Variants in LRFN3 observed in about 807,000 individuals in gnomAD.
The protein encoded by LRFN3 is leucine-rich repeat and fibronectin type-III domain-containing protein 3.
In LRFN3, 8 loss-of-function variants were observed where a neutral mutation model predicts 23.8. The observed-to-expected ratio is 0.34, with a 90% CI of 0.20 to 0.61. The LOEUF is 0.61. LRFN3 is among the 20% of genes least tolerant of loss of function. LRFN3 has a pLI of 0.80. For synonymous variants in LRFN3, 451 were observed against 450.6 expected, an observed-to-expected ratio of 1.00 and a Z score of -0.01; for missense variants, 736 against 935.3, an observed-to-expected ratio of 0.79 and a Z score of 2.78.
In LRFN3 at chr19:35,940,522, G is replaced by A; in HGVS notation, c.1097G>A (p.Cys366Tyr). Reference sequence around the variant, plus strand: ...CCGGGTGATGGTGGCATCTTCACCTGCATTGCGGCCAATGCAGCTGGCGAG... The same window carrying A: ...CCGGGTGATGGTGGCATCTTCACCTACATTGCGGCCAATGCAGCTGGCGAG... The part of the protein sequence containing the change: ...TEPGDGGIFT[C>Y]IAANAAGEAT... The change falls in exon 2 of 3, where the codon TGC becomes TAC. Residue 366 changes from cysteine (C) to tyrosine (Y), a missense_variant. Physicochemically the swap from Cys to Tyr is radical, Grantham distance 194. Transcript: ENST00000246529. 1 of 1,612,364 alleles carries A rather than the reference G, an allele frequency of 6.2e-7. No homozygotes were observed.
rs759126768 is a variant in LRFN3 at position 35,940,236 on chromosome 19, G to A, written c.811G>A (p.Ala271Thr). 1 of 1,607,036 alleles carries A rather than the reference G, an allele frequency of 6.2e-7. No individual in the cohort carries two copies. Among genetic ancestry groups the A allele is most frequent in the Non-Finnish European group, 8.5e-7 (1 of 1,179,344 alleles). Residue 271 changes from alanine to threonine, a missense_variant, in exon 2 of 3, where the codon GCC becomes ACC. Physicochemically the swap from Ala to Thr is moderately conservative, Grantham distance 58. Coordinates refer to ENST00000246529, the MANE Select transcript of LRFN3 (RefSeq NM_024509.2). ...RRLAREDDLEACASPPALGGR... is the reference protein window; with the variant it reads ...RRLAREDDLETCASPPALGGR... ...CCTGGCGCGGGAGGACGACCTCGAGGCCTGCGCGTCCCCACCTGCTCTGGG... is the reference window on the plus strand; with the variant it reads ...CCTGGCGCGGGAGGACGACCTCGAGACCTGCGCGTCCCCACCTGCTCTGGG...
rs1278078816 is a variant in LRFN3 at position 35,945,028 on chromosome 19, C to A, written c.*9C>A. The stretch of plus-strand genomic sequence containing the variant: ...AACCTGTGGGACCCTAGCCAGGCGC[C>A]CCCCCCTCTAAGGGTCCTCTGGCCC... On this transcript the variant is annotated 3_prime_UTR_variant, in exon 3 of 3. Coordinates refer to ENST00000246529, the MANE Select transcript of LRFN3 (RefSeq NM_024509.2). 28 of 1,338,138 alleles carry A rather than the reference C, an allele frequency of 2.1e-5. No homozygotes were observed. Among genetic ancestry groups the A allele is most frequent in the African/African-American group, 1.3e-4 (6 of 45,538 alleles). 82.9% of individuals were successfully genotyped at this position (1,338,138 alleles called of 1,614,324 possible).
At position 35,940,078 on chromosome 19, in the gene LRFN3, C is replaced by T; in HGVS notation, c.653C>T (p.Thr218Ile). 1 of 1,612,334 alleles carries T rather than the reference C, an allele frequency of 6.2e-7. No individual in the cohort carries two copies. The highest frequency in any genetic ancestry group is 8.5e-7 in the Non-Finnish European group (1 of 1,179,716). Residue 218 changes from threonine to isoleucine, a missense_variant, in exon 2 of 3, where the codon ACA becomes ATA. Transcript: ENST00000246529. ...RLDMTSNRLT[T>I]IPPDPLFSRL... is the part of the protein sequence containing the mutation. ...GACATGACCTCCAACCGCCTGACCA[C>T]AATCCCACCCGACCCACTCTTCTCC...
In LRFN3 at chr19:35,940,683, G is replaced by A; in HGVS notation, c.1258G>A (p.Val420Met). The A allele has an allele frequency of 6.2e-7, 1 of 1,613,274 alleles. No homozygotes were observed. Among genetic ancestry groups the A allele is most frequent in the Non-Finnish European group, 8.5e-7 (1 of 1,179,760 alleles). ...CTCCGCTGCCTCTGCTTCTGCCAAGGTGGCCGACACTGGGCCCCCTACCGA... is the reference window on the plus strand; with the variant it reads ...CTCCGCTGCCTCTGCTTCTGCCAAGATGGCCGACACTGGGCCCCCTACCGA... ...PPSAASASAK[V>M]ADTGPPTDRG... Residue 420 changes from valine (V) to methionine (M), a missense_variant, in exon 2 of 3, where the codon GTG becomes ATG. Transcript: ENST00000246529.
At position 35,945,351 on chromosome 19, in the gene LRFN3, G is replaced by A. The variant is rs956627145; in HGVS notation, c.*332G>A. 11 of 247,750 alleles carry A rather than the reference G, an allele frequency of 4.4e-5. No individual in the cohort carries two copies. Among genetic ancestry groups the A allele is most frequent in the Admixed American group, 1.1e-4 (2 of 17,692 alleles). The allele number at this position is 247,750 out of a possible 1,614,324, so 15.3% of individuals were successfully genotyped here. A position where few individuals can be genotyped will look rare whatever the true frequency, so the allele number is the denominator to read the frequency against. On this transcript the variant is annotated 3_prime_UTR_variant, in exon 3 of 3. Coordinates refer to ENST00000246529, the MANE Select transcript of LRFN3 (RefSeq NM_024509.2). ...ATGGCGATCCATTCAGACAATAGATGTTCCCTGCGTGTCGGCTCTGAGCAT... is the reference window on the plus strand; with the variant it reads ...ATGGCGATCCATTCAGACAATAGATATTCCCTGCGTGTCGGCTCTGAGCAT...
rs1455350413 is a variant in LRFN3, at chr19:35,939,976, C to T, written c.551C>T (p.Thr184Met). ...CTGGGCCGCCTGGGCAACGTCAACA[C>T]GTTGGGCCTCGACCACAACCTGCTG... ...EALGRLGNVNTLGLDHNLLAS... is the reference protein window; with the variant it reads ...EALGRLGNVNMLGLDHNLLAS... The change falls in exon 2 of 3, where the codon ACG becomes ATG. Residue 184 changes from threonine (T) to methionine (M), a missense_variant. Physicochemically the swap from Thr to Met is moderately conservative, Grantham distance 81. This residue lies in a region of LRFN3 where 446 missense variants were observed against 647.9 expected (regional missense o/e 0.69). Transcript: ENST00000246529. The surrounding 1 kb of genome is among the most constrained non-coding windows in gnomAD (Gnocchi z 6.4). 3 of 1,610,708 alleles carry T rather than the reference C, an allele frequency of 1.9e-6. No individual in the cohort carries two copies. The highest frequency in any genetic ancestry group is 1.1e-5 in the South Asian group (1 of 91,082).
Position 35,944,459 on chromosome 19 carries a change from A to G in LRFN3, c.1416-89A>G. 4 of 805,592 alleles carry G rather than the reference A, an allele frequency of 5.0e-6. No homozygotes were observed. Among genetic ancestry groups the G allele is most frequent in the Non-Finnish European group, 7.2e-6 (4 of 556,476 alleles). The allele number at this position is 805,592 out of a possible 1,614,324, so 49.9% of individuals were successfully genotyped here. ...TGAAATGAAGGAGTGGACTGGTGGG[A>G]AGTCTAGCCCCGCAGGGAGTTTGGT... On this transcript the variant is annotated intron_variant, in intron 2 of 2. Coordinates refer to ENST00000246529, the MANE Select transcript of LRFN3 (RefSeq NM_024509.2). The surrounding 1 kb of genome is among the most constrained non-coding windows in gnomAD (Gnocchi z 4.5).
In LRFN3 at chr19:35,939,872, C is replaced by T. The variant is rs147853211; in HGVS notation, c.447C>T (p.Gly149=). The T allele has an allele frequency of 5.4e-5, 87 of 1,601,046 alleles. 2 individuals carry two copies. The Middle Eastern group carries it at 1.6e-3, about 30-fold the overall frequency. Residue 149 remains glycine (G), a synonymous_variant, in exon 2 of 3, where the codon GGC becomes GGT. Coordinates refer to ENST00000246529, the MANE Select transcript of LRFN3 (RefSeq NM_024509.2). This position sits in a 1 kb window ranked among gnomAD's most constrained non-coding sequence, Gnocchi z 6.4. ...SNNQLAALAA[G]ALDDCAETLE... Reference sequence around the variant, plus strand: ...ACCAGCTGGCAGCGCTGGCGGCCGGCGCCCTGGATGATTGTGCCGAGACAC... The same window carrying T: ...ACCAGCTGGCAGCGCTGGCGGCCGGTGCCCTGGATGATTGTGCCGAGACAC...
intron 1 of LRFN3, among the ~76,000 whole-genome samples, chr19:35,938,170 C>T (rs1299940304): frequency 1.3e-5 from 2 of 152,182 alleles, no homozygotes; most frequent in African/African-American, 4.8e-5. Flanking sequence ...CTCTAGCTTC[C>T]TCTGGCCACC....
rs150362087 is a variant in LRFN3 at position 35,939,909 on chromosome 19, G to A, written c.484G>A (p.Asp162Asn). ...DDCAETLEDL[D>N]LSYNNLEQLP... ...TTGTGCCGAGACACTGGAGGACCTC[G>A]ACCTCTCCTACAACAACCTCGAGCA... is the stretch of plus-strand genomic sequence containing the variant. The change falls in exon 2 of 3, where the codon GAC becomes AAC. Residue 162 changes from aspartate (D) to asparagine (N), a missense_variant. Transcript: ENST00000246529. The surrounding 1 kb of genome is among the most constrained non-coding windows in gnomAD (Gnocchi z 6.4). 3 of 1,603,020 alleles carry A rather than the reference G, an allele frequency of 1.9e-6. No homozygotes were observed. The African/African-American group carries it at 4.0e-5, about 21-fold the overall frequency.
chr19:35,944,903 G>A lies in LRFN3; in HGVS notation c.1771G>A (p.Gly591Ser). The change falls in exon 3 of 3, where the codon GGC (glycine) becomes AGC (serine). Residue 591 changes from glycine (G) to serine (S), a missense_variant. By Grantham distance (56) the Gly-to-Ser change is moderately conservative. Around this residue, in one of 2 missense-constraint regions of LRFN3, gnomAD observed 290 missense variants for 287.4 expected, o/e 1.01. Coordinates refer to ENST00000246529, the MANE Select transcript of LRFN3 (RefSeq NM_024509.2). This position sits in a 1 kb window ranked among gnomAD's most constrained non-coding sequence, Gnocchi z 4.5. Reference protein sequence around the residue: ...SVCSQTNGALGPTPTPAPPAP... With the variant: ...SVCSQTNGALSPTPTPAPPAP... ...TTGCTCCCAGACCAACGGCGCCCTG[G>A]GCCCCACGCCCACGCCCGCCCCGCC... is the stretch of plus-strand genomic sequence containing the variant. 4 of 1,587,282 alleles carry A rather than the reference G, an allele frequency of 2.5e-6. No individual in the cohort carries two copies. Among genetic ancestry groups the A allele is most frequent in the East Asian group, 2.3e-5 (1 of 44,404 alleles).
Position 35,939,270 on chromosome 19 carries a change from T to C in LRFN3, c.-16-140T>C, listed in dbSNP as rs952395969. 1 of 896,654 alleles carries C rather than the reference T, an allele frequency of 1.1e-6. No individual in the cohort carries two copies. Among genetic ancestry groups the C allele is most frequent in the African/African-American group, 1.7e-5 (1 of 59,140 alleles). 55.5% of individuals were successfully genotyped at this position (896,654 alleles called of 1,614,324 possible). A position where few individuals can be genotyped will look rare whatever the true frequency, so the allele number is the denominator to read the frequency against. Reference sequence around the variant, plus strand: ...TGTGAGCCACCGCGCCTGGCCTTCCTCTGGCTTTTGGTCACATCTGACGGT... The same window carrying C: ...TGTGAGCCACCGCGCCTGGCCTTCCCCTGGCTTTTGGTCACATCTGACGGT... On this transcript the variant is annotated intron_variant, in intron 1 of 2. Transcript: ENST00000246529. This position sits in a 1 kb window ranked among gnomAD's most constrained non-coding sequence, Gnocchi z 6.4.
At chr19:35,938,481 T>C (rs1234928704) in intron 1 of LRFN3, among the ~76,000 whole-genome samples, 3 of 152,048 alleles carry the variant, frequency 2.0e-5, no homozygotes, top group Non-Finnish European at 4.4e-5. Context: ...CTCTTCTCTC[T>C]CTCTCACTCA....
Position 35,939,758 on chromosome 19 carries a change from C to T in LRFN3, c.333C>T (p.Ala111=), listed in dbSNP as rs750617375. ...GAFADLRALR[A]LHLDGNRLTS... is the part of the protein sequence containing the mutation. Reference sequence around the variant, plus strand: ...TCGCCGACCTGCGGGCCCTGCGTGCCCTGCACCTGGATGGCAACCGGCTGA... The same window carrying T: ...TCGCCGACCTGCGGGCCCTGCGTGCTCTGCACCTGGATGGCAACCGGCTGA... The change falls in exon 2 of 3, where the codon GCC becomes GCT. Residue 111 remains alanine, a synonymous_variant. Transcript: ENST00000246529. This position sits in a 1 kb window ranked among gnomAD's most constrained non-coding sequence, Gnocchi z 6.4. 6.2e-7 allele frequency: 1 copy of T among 1,604,894 alleles called. No homozygotes were observed. The highest frequency in any genetic ancestry group is 8.5e-7 in the Non-Finnish European group (1 of 1,179,436).
chr19:35,943,079 G>A (rs2145302506), intron 2 of LRFN3, among the ~76,000 whole-genome samples: 1 of 151,982 alleles, frequency 6.6e-6, no homozygotes, highest in South Asian at 2.1e-4. Flanking sequence ...GCCAGGTGGG[G>A]AATGGGATGA....
chr19:35,944,644 C>G lies in LRFN3; in HGVS notation c.1512C>G (p.Ala504=), dbSNP rs1370483019. Residue 504 remains alanine, a synonymous_variant, in exon 3 of 3, where the codon GCC becomes GCG. Transcript: ENST00000246529. The surrounding 1 kb of genome is among the most constrained non-coding windows in gnomAD (Gnocchi z 4.5). Reference sequence around the variant, plus strand: ...TGCTCGCCGTGTATGAGGACAGCGCCACGGGGCTCACGGCCACGCGGCCTG... The same window carrying G: ...TGCTCGCCGTGTATGAGGACAGCGCGACGGGGCTCACGGCCACGCGGCCTG... ...LCVLAVYEDS[A]TGLTATRPVG... 6.3e-7 allele frequency: 1 copy of G among 1,591,156 alleles called. No homozygotes were observed. Among genetic ancestry groups the G allele is most frequent in the Non-Finnish European group, 8.5e-7 (1 of 1,173,230 alleles).
chr19:35,942,944 G>C (rs559632840), intron 2 of LRFN3, among the ~76,000 whole-genome samples: 1 of 151,912 alleles, frequency 6.6e-6, no homozygotes, highest in South Asian at 2.1e-4. Flanking sequence ...CAGGAGAATT[G>C]CTTGAACCTG....
At position 35,944,297 on chromosome 19, in the gene LRFN3, A is replaced by G. The variant is rs1466709508; in HGVS notation, c.1416-251A>G. Among the ~76,000 whole-genome samples, 1 of 152,222 alleles carries G rather than the reference A, an allele frequency of 6.6e-6. No homozygotes were observed. Among genetic ancestry groups the G allele is most frequent in the East Asian group, 1.9e-4 (1 of 5,190 alleles). ...TGGGACTAGAGTGAAAATGGGCAGC[A>G]GGCTATGAGGACGTGTGAGAGGGTG... On this transcript the variant is annotated intron_variant, in intron 2 of 2. Transcript: ENST00000246529. This position sits in a 1 kb window ranked among gnomAD's most constrained non-coding sequence, Gnocchi z 4.5.
At chr19:35,943,836 C>A (rs1976147781) in intron 2 of LRFN3, among the ~76,000 whole-genome samples, 1 of 151,994 alleles carries the variant, frequency 6.6e-6, no homozygotes, top group African/African-American at 2.4e-5. Flanking sequence ...AGCTGGGCTG[C>A]AGGCTGGAGG....
Sources: allele counts gnomAD v4.1 joint callset (sites outside exome capture counted in the v4.1 genomes callset), GRCh38; gene constraint gnomAD v4.1.1; regional missense constraint gnomAD v4.1.1; non-coding constraint Gnocchi (gnomAD v3.1); transcripts MANE v1.5; gene names NCBI Gene and HGNC (gene_info 2026-07-23, HGNC 2026-07-21).